Variants in GRID2 observed in about 807,000 individuals in gnomAD.
The protein encoded by GRID2 is glutamate receptor ionotropic, delta-2.
Under a neutral mutation model 114.8 loss-of-function variants are expected in GRID2, and 33 were observed. That is an observed-to-expected ratio of 0.29 (90% CI 0.22 to 0.38). The LOEUF (loss-of-function observed/expected upper bound fraction) is 0.38, where lower values mean the gene tolerates loss of function less well. Among genes scored for constraint, GRID2 ranks in the 10% least tolerant of loss-of-function variants. GRID2 has a pLI of 1.00. For synonymous variants in GRID2, 505 were observed against 449.9 expected (o/e 1.12, Z -1.55); for missense variants, 1,184 against 1,257.7 (o/e 0.94, Z 0.89).
intron 1 of GRID2, among the ~76,000 whole-genome samples, chr4:92,368,226 G>A (rs1460514163): frequency 6.6e-6 from 1 of 151,988 alleles, no homozygotes; most frequent in Non-Finnish European, 1.5e-5. Flanking sequence ...TCTTTTAAGA[G>A]GCTAACCAGC....
intron 13 of GRID2, among the ~76,000 whole-genome samples, chr4:93,583,278 C>G (rs1737170752): frequency 6.6e-6 from 1 of 152,132 alleles, no homozygotes; most frequent in Non-Finnish European, 1.5e-5. Flanking sequence ...TAACTCGCTA[C>G]AGGTATAATT....
chr4:92,517,151 A>G (rs1277554205), intron 1 of GRID2, among the ~76,000 whole-genome samples: 2 of 151,902 alleles, frequency 1.3e-5, no homozygotes, highest in African/African-American at 4.8e-5. Flanking sequence ...CAGCTTTTCA[A>G]TCATAAAGTC....
At chr4:93,568,870 G>A (rs926851411) in intron 13 of GRID2, among the ~76,000 whole-genome samples, 22 of 152,094 alleles carry the variant, frequency 1.4e-4, no homozygotes, top group African/African-American at 5.3e-4. Context: ...AGGGAACACT[G>A]TTGGTATTGT....
intron 14 of GRID2, among the ~76,000 whole-genome samples, chr4:93,630,396 C>G (rs75799771): frequency 6.6e-6 from 1 of 152,210 alleles, no homozygotes; most frequent in East Asian, 1.9e-4. Flanking sequence ...CTTCATTGTG[C>G]AATAAATAAA....
chr4:93,148,819 G>C (rs1341625016), intron 4 of GRID2, among the ~76,000 whole-genome samples: 1 of 152,062 alleles, frequency 6.6e-6, no homozygotes, highest in Non-Finnish European at 1.5e-5. Flanking sequence ...TCCTAATTGT[G>C]GTAGATATGT....
chr4:92,916,049 C>A (rs1025700023), intron 2 of GRID2, among the ~76,000 whole-genome samples: 1 of 152,020 alleles, frequency 6.6e-6, no homozygotes, highest in Non-Finnish European at 1.5e-5. Flanking sequence ...GTTTTCTTTG[C>A]GATGCGTAAA....
intron 4 of GRID2, among the ~76,000 whole-genome samples, chr4:93,170,577 T>C (rs2149421476): frequency 6.6e-6 from 1 of 152,330 alleles, no homozygotes; most frequent in African/African-American, 2.4e-5. Flanking sequence ...AGTTTTATTT[T>C]GGTTTTGCAT....
chr4:92,505,332 A>G (rs1337637469), intron 1 of GRID2, among the ~76,000 whole-genome samples: 1 of 152,068 alleles, frequency 6.6e-6, no homozygotes, highest in East Asian at 1.9e-4. Flanking sequence ...TACTGCTGAC[A>G]AAAAGGCAAA....
chr4:93,253,093 C>CAAAA (rs34432102), intron 8 of GRID2, among the ~76,000 whole-genome samples: 4,048 of 142,440 alleles, frequency 0.028, 147 homozygotes, highest in African/African-American at 0.077. Context: ...ACTAAAAATA[C>CAAAA]AAAAAAAAAA....
chr4:92,613,180 A>C (rs893166452), intron 2 of GRID2, among the ~76,000 whole-genome samples: 1 of 151,366 alleles, frequency 6.6e-6, no homozygotes, highest in Non-Finnish European at 1.5e-5. Flanking sequence ...TGAGGTGATC[A>C]TGTGGTTTTT....
intron 5 of GRID2, 27 bp from the exon 6 acceptor site, chr4:93,216,711 C>T: frequency 6.6e-7 from 1 of 1,505,546 alleles, no homozygotes; most frequent in Admixed American, 1.7e-5. Flanking sequence ...TAAAGTATCT[C>T]TAATTCTTCC....
intron 2 of GRID2, among the ~76,000 whole-genome samples, chr4:92,732,233 C>G (rs951283083): frequency 1.3e-5 from 2 of 151,736 alleles, no homozygotes; most frequent in Admixed American, 1.3e-4. Context: ...TTTTAGTGTT[C>G]TGTCATTGTG....
At chr4:93,029,251 A>G (rs986069274) in intron 2 of GRID2, among the ~76,000 whole-genome samples, 4 of 152,138 alleles carry the variant, frequency 2.6e-5, no homozygotes, top group African/African-American at 9.6e-5. Context: ...TTCTTGGTTT[A>G]CCATCTTCAA....
At chr4:93,034,150 G>A (rs1343540851) in intron 2 of GRID2, among the ~76,000 whole-genome samples, 1 of 152,092 alleles carries the variant, frequency 6.6e-6, no homozygotes. Context: ...GAACAACATA[G>A]GGAAAGAAGA....
chr4:93,629,492 C>A (rs183706202), intron 14 of GRID2, among the ~76,000 whole-genome samples: 1 of 152,176 alleles, frequency 6.6e-6, no homozygotes, highest in Non-Finnish European at 1.5e-5. Context: ...TGCATTTGTT[C>A]CATTTTTTTA....
chr4:92,873,229 C>T (rs1267919753), intron 2 of GRID2, among the ~76,000 whole-genome samples: 1 of 151,970 alleles, frequency 6.6e-6, no homozygotes, highest in Non-Finnish European at 1.5e-5. Context: ...TTATTAAGCT[C>T]TTCAATTCTA....
chr4:93,596,325 G>T (rs1445309911), intron 13 of GRID2, among the ~76,000 whole-genome samples: 1 of 152,072 alleles, frequency 6.6e-6, no homozygotes, highest in East Asian at 1.9e-4. Flanking sequence ...CACGCCTGCA[G>T]TCCCAGCACT....
intron 1 of GRID2, among the ~76,000 whole-genome samples, chr4:92,522,645 GTTAGGTAGAGCCTGAAGGATTTTC>G (rs1374942914): frequency 6.6e-6 from 1 of 151,924 alleles, no homozygotes; most frequent in Non-Finnish European, 1.5e-5. Context: ...TTATATGACT[GTTAGGTAGAGCCTGAAGGATTTTC>G]TCATGGATTG....
intron 12 of GRID2, among the ~76,000 whole-genome samples, chr4:93,494,772 C>T (rs1177707181): frequency 6.6e-6 from 1 of 151,618 alleles, no homozygotes; most frequent in Non-Finnish European, 1.5e-5. Flanking sequence ...GAGGTAACAA[C>T]ATATAGTTAA....
Sources: gnomAD v4.1 joint callset for allele counts (sites outside exome capture counted in the v4.1 genomes callset) on GRCh38, gnomAD v4.1.1 for gene constraint, MANE v1.5 for transcripts, NCBI Gene and HGNC (gene_info 2026-07-23, HGNC 2026-07-21) for gene names.